The following SSBP2 variants were observed in gnomAD, a reference collection of about 807,000 sequenced individuals.
The protein encoded by SSBP2 is single-stranded DNA-binding protein 2.
Under a neutral mutation model 61.8 loss-of-function variants are expected in SSBP2, and 17 were observed. The observed-to-expected ratio is 0.28, with a 90% CI of 0.19 to 0.41. The LOEUF (loss-of-function observed/expected upper bound fraction) is 0.41, where lower values mean the gene tolerates loss of function less well. Ranked by LOEUF, SSBP2 falls within the 10% of genes least tolerant of loss-of-function variation. SSBP2 has a pLI of 1.00. For missense variants in SSBP2, 310 were observed against 458.7 expected, an observed-to-expected ratio of 0.68 and a Z score of 2.96; for synonymous variants, 139 against 141.3, an observed-to-expected ratio of 0.98 and a Z score of 0.12.
chr5:81,627,121 A>G (rs1176994228), intron 3 of SSBP2, among the ~76,000 whole-genome samples: 1 of 152,214 alleles, frequency 6.6e-6, no homozygotes, highest in Non-Finnish European at 1.5e-5. Context: ...AAAGTTTTCT[A>G]ATTAACTTGA....
At chr5:81,511,580 A>C (rs1243097182) in intron 5 of SSBP2, among the ~76,000 whole-genome samples, 5 of 152,162 alleles carry the variant, frequency 3.3e-5, no homozygotes, top group Non-Finnish European at 7.4e-5. Flanking sequence ...GCTTTTGTTT[A>C]TACTATTCTG....
chr5:81,514,941 A>G (rs781748398), intron 4 of SSBP2, among the ~76,000 whole-genome samples: 27 of 152,050 alleles, frequency 1.8e-4, no homozygotes, highest in Admixed American at 6.6e-4. Flanking sequence ...GCATATGAAT[A>G]TAAAAGAAGA....
chr5:81,652,479 A>G (rs1749813247), intron 1 of SSBP2, among the ~76,000 whole-genome samples: 1 of 152,166 alleles, frequency 6.6e-6, no homozygotes, highest in Non-Finnish European at 1.5e-5. Flanking sequence ...ATTCTGAAGT[A>G]TCTTCTAAGG....
chr5:81,635,861 G>C (rs1426570830), intron 3 of SSBP2, among the ~76,000 whole-genome samples: 2 of 152,210 alleles, frequency 1.3e-5, no homozygotes, highest in African/African-American at 4.8e-5. Flanking sequence ...TGGGATTACA[G>C]GCGTGAGCCC....
intron 4 of SSBP2, among the ~76,000 whole-genome samples, chr5:81,605,835 G>A (rs1160495965): frequency 6.6e-6 from 1 of 152,146 alleles, no homozygotes; most frequent in East Asian, 1.9e-4. Flanking sequence ...TGAATGATGG[G>A]AGAGCTTTCA....
chr5:81,433,148 G>A (rs1014887256), intron 15 of SSBP2, among the ~76,000 whole-genome samples: 5 of 152,136 alleles, frequency 3.3e-5, no homozygotes, highest in African/African-American at 1.2e-4. Flanking sequence ...TGACAATGGC[G>A]GTTTTGTGGA....
chr5:81,501,212 AATATATATATATATATATATATATAT>A (rs1167504052), intron 5 of SSBP2, among the ~76,000 whole-genome samples: 655 of 28,836 alleles, frequency 0.023, 58 homozygotes, highest in Admixed American at 0.037. Context: ...CTCCATCTCA[AATATATATATATATATATATATATAT>A]ATATATATAT....
intron 1 of SSBP2, among the ~76,000 whole-genome samples, chr5:81,664,294 T>G (rs1394809268): frequency 6.6e-6 from 1 of 151,780 alleles, no homozygotes; most frequent in Non-Finnish European, 1.5e-5. Flanking sequence ...GGCTAATTTT[T>G]TTTTTTTGTA....
At chr5:81,515,070 A>G (rs934214976) in intron 4 of SSBP2, among the ~76,000 whole-genome samples, 1 of 152,048 alleles carries the variant, frequency 6.6e-6, no homozygotes, top group Non-Finnish European at 1.5e-5. Context: ...TGCTCTATTG[A>G]GCTTTATATA....
chr5:81,607,966 T>G (rs142459978), intron 4 of SSBP2, among the ~76,000 whole-genome samples: 1 of 152,286 alleles, frequency 6.6e-6, no homozygotes, highest in East Asian at 1.9e-4. Flanking sequence ...CTACCTAGTG[T>G]GGTAAGTATT....
chr5:81,427,360 T>A (rs1196243410), intron 16 of SSBP2, among the ~76,000 whole-genome samples: 2 of 152,092 alleles, frequency 1.3e-5, no homozygotes, highest in Admixed American at 6.6e-5. Flanking sequence ...TAAAAAATTA[T>A]TTGTCCTCAC....
intron 4 of SSBP2, among the ~76,000 whole-genome samples, chr5:81,531,245 A>G (rs1770382330): frequency 1.3e-5 from 2 of 150,044 alleles, no homozygotes. Flanking sequence ...AAAAAAAAGA[A>G]AAAAAAAAAG....
At chr5:81,421,553 C>T (rs547548826) in intron 16 of SSBP2, among the ~76,000 whole-genome samples, 10 of 152,118 alleles carry the variant, frequency 6.6e-5, no homozygotes, top group Middle Eastern at 6.8e-3. Context: ...TTGTTACATG[C>T]GGACTTGTCA....
At position 81,505,591 on chromosome 5, in the gene SSBP2, A is replaced by AT. The variant is rs533646241; in HGVS notation, c.372+8036dup. Among the ~76,000 whole-genome samples, 436 of 152,116 alleles carry AT rather than the reference A, an allele frequency of 2.9e-3. 9 individuals carry two copies. Among genetic ancestry groups the AT allele is most frequent in the Non-Finnish European group, 7.6e-4 (52 of 67,986 alleles). ...TATTTACAATTTCCTCTCTATATAA[A>AT]TTTTTTTTATCAAGAAATGTCAATA... On this transcript the variant is annotated intron_variant, in intron 5 of 16. Coordinates refer to ENST00000320672, the MANE Select transcript of SSBP2 (RefSeq NM_012446.5).
intron 16 of SSBP2, among the ~76,000 whole-genome samples, chr5:81,426,557 C>A (rs754166620): frequency 4.1e-4 from 63 of 152,322 alleles, no homozygotes; most frequent in South Asian, 2.5e-3. Flanking sequence ...GTGGAAGAAG[C>A]CTTGTTCCAG....
intron 5 of SSBP2, among the ~76,000 whole-genome samples, chr5:81,494,108 G>A (rs775906775): frequency 1.3e-5 from 2 of 152,198 alleles, no homozygotes; most frequent in Admixed American, 6.5e-5. Flanking sequence ...ACCAAATGGC[G>A]AGTATCAATG....
intron 1 of SSBP2, among the ~76,000 whole-genome samples, chr5:81,669,769 C>T (rs1751447569): frequency 1.3e-5 from 2 of 151,186 alleles, no homozygotes; most frequent in Admixed American, 6.6e-5. Context: ...CACATGTATC[C>T]CCTTTTTTTT....
intron 1 of SSBP2, among the ~76,000 whole-genome samples, chr5:81,732,228 A>G (rs1756318004): frequency 6.6e-6 from 1 of 152,218 alleles, no homozygotes; most frequent in South Asian, 2.1e-4. Flanking sequence ...CAGTTTCTAA[A>G]TATGAAAACT....
rs1454548471 is a variant in SSBP2, at chr5:81,416,873, T to G, written c.*3631A>C. On this transcript the variant is annotated 3_prime_UTR_variant, in exon 17 of 17. Coordinates refer to ENST00000320672, the MANE Select transcript of SSBP2 (RefSeq NM_012446.5). ...TTTTTGGCAATTGAGAAATCTTTTC[T>G]ATTTTTGAGATGGAGTCTTGCTCTG... The G allele has an allele frequency of 3.3e-5, 5 of 152,366 alleles. No homozygotes were observed. In the East Asian group the frequency reaches 9.6e-4, roughly 29 times the overall value. 9.4% of individuals were successfully genotyped at this position (152,366 alleles called of 1,614,324 possible).
Sources: gnomAD v4.1 joint callset for allele counts (sites outside exome capture counted in the v4.1 genomes callset) on GRCh38, gnomAD v4.1.1 for gene constraint, MANE v1.5 for transcripts, NCBI Gene and HGNC (gene_info 2026-07-23, HGNC 2026-07-21) for gene names.